The following PHLDB3 variants were observed in gnomAD, a reference collection of about 807,000 sequenced individuals.
PHLDB3 encodes pleckstrin homology-like domain family B member 3.
Under a neutral mutation model 85.7 loss-of-function variants are expected in PHLDB3, and 86 were observed. The ratio of observed to expected loss-of-function variants is 1.00; its 90% CI spans 0.84 to 1.20. The LOEUF (loss-of-function observed/expected upper bound fraction) is 1.20, where lower values mean the gene tolerates loss of function less well. Ranked by LOEUF, PHLDB3 falls within the 50% of genes most tolerant of loss-of-function variation. The probability of loss-of-function intolerance (pLI) is 0.00; values close to 1 mark genes in which losing one functional copy is unlikely to be tolerated. For synonymous variants in PHLDB3, 376 were observed against 349.8 expected (o/e 1.07, Z -0.83); for missense variants, 995 against 873.0 (o/e 1.14, Z -1.76).
chr19:43,478,379 G>A (rs765339127), intron 14 of PHLDB3, among the ~76,000 whole-genome samples: 11 of 152,038 alleles, frequency 7.2e-5, no homozygotes, highest in Admixed American at 1.3e-4. Flanking sequence ...CTGAATGCTC[G>A]GCCTCTGAGA....
chr19:43,501,558 C>T, intron 4 of PHLDB3, 176 bp downstream of exon 4: 1 of 1,249,318 alleles, frequency 8.0e-7, no homozygotes, highest in Non-Finnish European at 1.1e-6. Context: ...CCAAAAATCT[C>T]GCCCAGGGAG....
At position 43,500,918 on chromosome 19, in the gene PHLDB3, C is replaced by CCT. The variant is rs1264859967; in HGVS notation, c.534+815_534+816insAG. 1.7e-5 allele frequency among the ~76,000 whole-genome samples: 2 copies of CCT among 115,082 alleles called. 1 individual carries two copies. Among genetic ancestry groups the CCT allele is most frequent in the Non-Finnish European group, 3.7e-5 (2 of 53,508 alleles). 75.5% of individuals were successfully genotyped at this position (115,082 alleles called of 152,430 possible). On this transcript the variant is annotated intron_variant, in intron 4 of 15. Coordinates refer to ENST00000292140, the MANE Select transcript of PHLDB3 (RefSeq NM_198850.4). The stretch of plus-strand genomic sequence containing the variant: ...TTGCCCCGCCCCCCGTACCCCCCCC[C>CCT]CACCCCGCAAGTACTGGGATTACAG...
chr19:43,496,937 C>G (rs1971470888), intron 6 of PHLDB3, 181 bp downstream of exon 6: 1 of 929,068 alleles, frequency 1.1e-6, no homozygotes, highest in Non-Finnish European at 1.4e-6. Flanking sequence ...TGAGGAAATG[C>G]TCATGAAATA....
intron 4 of PHLDB3, 21 bp downstream of exon 4, chr19:43,501,713 G>C: frequency 6.3e-7 from 1 of 1,575,332 alleles, no homozygotes; most frequent in South Asian, 1.1e-5. Context: ...TGCTGATGAA[G>C]ACCCGGTGAG....
chr19:43,477,756 C>T (rs1599930311), intron 15 of PHLDB3, among the ~76,000 whole-genome samples: 1 of 151,334 alleles, frequency 6.6e-6, no homozygotes, highest in Non-Finnish European at 1.5e-5. Context: ...TGCAGTGAGC[C>T]GAGATGGCGC....
rs868637101 is a variant in PHLDB3, at chr19:43,502,280, C to A, written c.217G>T (p.Glu73Ter). The A allele has an allele frequency of 6.4e-7, 1 of 1,555,006 alleles. No individual in the cohort carries two copies. Among genetic ancestry groups the A allele is most frequent in the East Asian group, 2.4e-5 (1 of 41,912 alleles). ...GCCATAGCTATCGGAGGCGTAGCCT[C>A]GGGCTGAAGTTGAGGGGGGCGTGGT... Reference protein sequence around the residue: ...SSTESSRDAPEATPPIAMAAT... With the variant: ...SSTESSRDAP Residue 73 changes from glutamate (E) to a stop codon, truncating the protein, a stop_gained, in exon 3 of 16, where the codon GAG becomes TAG. Coordinates refer to ENST00000292140, the MANE Select transcript of PHLDB3 (RefSeq NM_198850.4). LOFTEE classifies it high-confidence loss of function.
In PHLDB3 at chr19:43,481,950, G is replaced by C. The variant is rs145766222; in HGVS notation, c.1486-2357C>G. The stretch of plus-strand genomic sequence containing the variant: ...GGGAAAGGAAGGGAGGGAAAGGCCA[G>C]GTTTAAAGAGTACCCGCTGGGCCTG... On this transcript the variant is annotated intron_variant, in intron 13 of 15. Transcript: ENST00000292140. Among the ~76,000 whole-genome samples, 128 of 152,190 alleles carry C rather than the reference G, an allele frequency of 8.4e-4. 2 individuals are homozygous for C. The highest frequency in any genetic ancestry group is 3.1e-3 in the African/African-American group (127 of 41,530).
intron 9 of PHLDB3, among the ~76,000 whole-genome samples, chr19:43,493,205 G>C (rs1244689276): frequency 6.6e-6 from 1 of 151,630 alleles, no homozygotes; most frequent in African/African-American, 2.4e-5. Flanking sequence ...CTTGAACCCA[G>C]GAGGCGGAGG....
Position 43,497,798 on chromosome 19 carries a change from C to A in PHLDB3, c.613G>T (p.Asp205Tyr), listed in dbSNP as rs531681888. The A allele has an allele frequency of 5.8e-6, 9 of 1,557,602 alleles. No individual in the cohort carries two copies. The Admixed American group carries it at 1.4e-4, about 24-fold the overall frequency. The change falls in exon 5 of 16, where the codon GAC (aspartate) becomes TAC (tyrosine). Residue 205 changes from aspartate (D) to tyrosine (Y), a missense_variant. Physicochemically the swap from Asp to Tyr is radical, Grantham distance 160. Coordinates refer to ENST00000292140, the MANE Select transcript of PHLDB3 (RefSeq NM_198850.4). The stretch of plus-strand genomic sequence containing the variant: ...TCGCGTTGGTCCTCTGGCTGTGAGT[C>A]GAGCTGTCCCTGGGCCTTGCGGAGT... ...QRLRKAQGQL[D>Y]SQPEDQRERL... is the part of the protein sequence containing the mutation.
At chr19:43,481,681 C>CA (rs1971050075) in intron 13 of PHLDB3, among the ~76,000 whole-genome samples, 1 of 151,242 alleles carries the variant, frequency 6.6e-6, no homozygotes. Context: ...AGGATCCCGG[C>CA]TAATTAGGAG....
intron 8 of PHLDB3, 113 bp downstream of exon 8, chr19:43,495,143 C>G (rs193041237): frequency 7.0e-6 from 8 of 1,139,540 alleles, no homozygotes; most frequent in Non-Finnish European, 1.0e-5. Flanking sequence ...ACTCCTGGGT[C>G]TGAGGGAGGA....
At chr19:43,494,880 C>G in intron 8 of PHLDB3, 65 bp from the exon 9 acceptor site, 1 of 1,234,668 alleles carries the variant, frequency 8.1e-7, no homozygotes, top group Non-Finnish European at 1.2e-6. Flanking sequence ...CCAGTTTCCA[C>G]GTGCTCTGGC....
chr19:43,475,878 C>G lies in PHLDB3; in HGVS notation c.1789-334G>C, dbSNP rs149908519. On this transcript the variant is annotated intron_variant, in intron 15 of 15. Coordinates refer to ENST00000292140, the MANE Select transcript of PHLDB3 (RefSeq NM_198850.4). ...TGGCGCAATCTTGGCTCACTGCAAC[C>G]TCCACCTCTCGAGTTCAAGCGATTC... 3.9e-5 allele frequency among the ~76,000 whole-genome samples: 6 copies of G among 152,260 alleles called. No individual in the cohort carries two copies. In the East Asian group the frequency reaches 1.2e-3, roughly 29 times the overall value.
intron 15 of PHLDB3, 64 bp from the exon 16 acceptor site, chr19:43,475,608 C>G: frequency 6.3e-7 from 1 of 1,598,208 alleles, no homozygotes; most frequent in East Asian, 2.3e-5. Flanking sequence ...TGGGTGCGAA[C>G]CCAGCCTTGC....
At chr19:43,502,985 TATCTGTCCACTAG>T (rs1971651665) in intron 2 of PHLDB3, among the ~76,000 whole-genome samples, 2 of 100,526 alleles carry the variant, frequency 2.0e-5, no homozygotes, top group Admixed American at 2.0e-4. Context: ...TCAGATTCGG[TATCTGTCCACTAG>T]ATCTGTCCAC....
chr19:43,478,117 T>C lies in PHLDB3; in HGVS notation c.1718A>G (p.Lys573Arg). 1 of 1,613,182 alleles carries C rather than the reference T, an allele frequency of 6.2e-7. No individual in the cohort carries two copies. Among genetic ancestry groups the C allele is most frequent in the South Asian group, 1.1e-5 (1 of 91,058 alleles). ...CTGGAAGTAGATGACACCTTTGAGCTTGGTCTCTTCCTTGTCTGGTAGGGG... is the reference window on the plus strand; with the variant it reads ...CTGGAAGTAGATGACACCTTTGAGCCTGGTCTCTTCCTTGTCTGGTAGGGG... Reference protein sequence around the residue: ...LAYYADKEETKLKGVIYFQAI... With the variant: ...LAYYADKEETRLKGVIYFQAI... Residue 573 changes from lysine to arginine, a missense_variant, in exon 15 of 16, where the codon AAG (lysine) becomes AGG (arginine). Coordinates refer to ENST00000292140, the MANE Select transcript of PHLDB3 (RefSeq NM_198850.4).
intron 15 of PHLDB3, among the ~76,000 whole-genome samples, chr19:43,475,794 A>C (rs1385897904): frequency 6.6e-6 from 1 of 152,026 alleles, no homozygotes; most frequent in Non-Finnish European, 1.5e-5. Flanking sequence ...GGGCAAGATA[A>C]ATTTTTTTTC....
intron 9 of PHLDB3, 68 bp downstream of exon 9, chr19:43,494,634 G>T: frequency 7.7e-7 from 1 of 1,292,480 alleles, no homozygotes; most frequent in Non-Finnish European, 1.1e-6. Flanking sequence ...CGGGGACTCT[G>T]CTGTTAGCCC....
chr19:43,485,137 C>T (rs955526579), intron 13 of PHLDB3, among the ~76,000 whole-genome samples: 7 of 151,706 alleles, frequency 4.6e-5, no homozygotes, highest in South Asian at 2.1e-4. Flanking sequence ...ATTAAAGCTG[C>T]GCAGTGGGCA....
Sources: gnomAD v4.1 joint callset for allele counts (sites outside exome capture counted in the v4.1 genomes callset) on GRCh38, gnomAD v4.1.1 for gene constraint, MANE v1.5 for transcripts, NCBI Gene and HGNC (gene_info 2026-07-23, HGNC 2026-07-21) for gene names.